ELOB: variants seen among roughly 807,000 people sequenced by gnomAD.
ELOB encodes elongin-B.
Under a neutral mutation model 12.9 loss-of-function variants are expected in ELOB, and 3 were observed. That is an observed-to-expected ratio of 0.23 (90% CI 0.11 to 0.60). The LOEUF (loss-of-function observed/expected upper bound fraction) is 0.60. Among genes scored for constraint, ELOB ranks in the 20% least tolerant of loss-of-function variants. The pLI is 0.89. For missense variants in ELOB, 126 were observed against 159.2 expected (o/e 0.79, Z 1.12); for synonymous variants, 84 against 67.4 (o/e 1.25, Z -1.21).
At chr16:2,774,518 C>T (rs542888500) in intron 3 of ELOB, among the ~76,000 whole-genome samples, 1 of 152,370 alleles carries the variant, frequency 6.6e-6, no homozygotes, top group African/African-American at 2.4e-5. Context: ...GCTGCTGAGA[C>T]TGAGGCCTAG....
In ELOB at chr16:2,775,565, A is replaced by G. The variant is rs1316451855; in HGVS notation, c.139-9T>C. The G allele has an allele frequency of 6.2e-7, 1 of 1,604,404 alleles. No individual in the cohort carries two copies. The highest frequency in any genetic ancestry group is 8.5e-7 in the Non-Finnish European group (1 of 1,178,236). On this transcript the variant is annotated splice_polypyrimidine_tract_variant and intron_variant, in intron 2 of 3. Transcript: ENST00000409906. Reference sequence around the variant, plus strand: ...TCCAAGAGTTGGTCATCCTGAGGAGAGAAGCAGGATCTTGGGAGAGGCCCT... The same window carrying G: ...TCCAAGAGTTGGTCATCCTGAGGAGGGAAGCAGGATCTTGGGAGAGGCCCT...
Position 2,772,001 on chromosome 16 carries a change from C to G in ELOB, c.346G>C (p.Ala116Pro). The change falls in exon 4 of 4, where the codon GCC becomes CCC. Residue 116 changes from alanine to proline, a missense_variant. Physicochemically the swap from Ala to Pro is conservative, Grantham distance 27. Transcript: ENST00000409906. ...QDSGSSANEQAVQ is the reference protein window; with the variant it reads ...QDSGSSANEQPVQ ...CCTCTTGGGGGTCCTCACTGCACGGCTTGTTCATTGGCACTGCTTCCCGAG... is the reference window on the plus strand; with the variant it reads ...CCTCTTGGGGGTCCTCACTGCACGGGTTGTTCATTGGCACTGCTTCCCGAG... 1 of 1,612,364 alleles carries G rather than the reference C, an allele frequency of 6.2e-7. No homozygotes were observed. Among genetic ancestry groups the G allele is most frequent in the South Asian group, 1.1e-5 (1 of 90,936 alleles).
In ELOB at chr16:2,777,279, G is replaced by A. The variant is rs2068808218; in HGVS notation, c.-40C>T. 9.9e-7 allele frequency: 1 copy of A among 1,012,648 alleles called. No individual in the cohort carries two copies. The allele number at this position is 1,012,648 out of a possible 1,614,324, so 62.7% of individuals were successfully genotyped here. On this transcript the variant is annotated 5_prime_UTR_variant, in exon 1 of 4. Coordinates refer to ENST00000409906, the MANE Select transcript of ELOB (RefSeq NM_007108.4). ...CTCCCCTCGACGCGCCGGCGCAGCC[G>A]CGCTCCGCCCCGTTCCCGGCAGCCC...
intron 3 of ELOB, among the ~76,000 whole-genome samples, chr16:2,775,247 T>C (rs1204554434): frequency 1.3e-5 from 2 of 151,908 alleles, no homozygotes; most frequent in East Asian, 3.9e-4. Context: ...TTGGTTTCTG[T>C]AAGCATCTCA....
At position 2,771,432 on chromosome 16, in the gene ELOB, A is replaced by AAG. The variant is rs2068744508; in HGVS notation, c.*557_*558insCT. ...CAGGAACTGGGTCTGTAGACTGTTT[A>AAG]TTAAAGGTGTGTTAAGGGGGCAGCC... On this transcript the variant is annotated 3_prime_UTR_variant, in exon 4 of 4. Transcript: ENST00000409906. 1 of 1,613,836 alleles carries AAG rather than the reference A, an allele frequency of 6.2e-7. No homozygotes were observed. Among genetic ancestry groups the AAG allele is most frequent in the African/African-American group, 1.3e-5 (1 of 74,926 alleles).
In ELOB at chr16:2,777,116, G is replaced by A. The variant is rs559371069; in HGVS notation, c.15C>T (p.Leu5=). 36 of 1,582,144 alleles carry A rather than the reference G, an allele frequency of 2.3e-5. No homozygotes were observed. Among genetic ancestry groups the A allele is most frequent in the Admixed American group, 5.2e-5 (3 of 58,224 alleles). ...TGGTGGTCTTGTGGCGCCGGATCAT[G>A]AGGAACACGTCCTGGGGGCGGCGGG... MDVF[L]MIRRHKTTIF... is the part of the protein sequence containing the mutation. Residue 5 remains leucine, a synonymous_variant, in exon 2 of 4, where the codon CTC becomes CTT. Coordinates refer to ENST00000409906, the MANE Select transcript of ELOB (RefSeq NM_007108.4).
At position 2,771,645 on chromosome 16, in the gene ELOB, AC is replaced by A; in HGVS notation, c.*344del. 6.2e-7 allele frequency: 1 copy of A among 1,612,740 alleles called. No individual in the cohort carries two copies. The highest frequency in any genetic ancestry group is 1.1e-5 in the South Asian group (1 of 90,996). On this transcript the variant is annotated 3_prime_UTR_variant, in exon 4 of 4. Coordinates refer to ENST00000409906, the MANE Select transcript of ELOB (RefSeq NM_007108.4). ...GCACTTAGAAGGAGAAAGGCCTAAA[AC>A]TGGAATCTCTTGTCCCTGAGGCTGG...
At chr16:2,773,822 C>G (rs2068783476) in intron 3 of ELOB, among the ~76,000 whole-genome samples, 1 of 152,222 alleles carries the variant, frequency 6.6e-6, no homozygotes, top group African/African-American at 2.4e-5. Context: ...CAGCAAACCT[C>G]TAGGGGTACC....
chr16:2,777,210 G>A (rs2068807311), intron 1 of ELOB, 27 bp downstream of exon 1: 4 of 748,312 alleles, frequency 5.3e-6, no homozygotes, highest in Non-Finnish European at 4.8e-6. Flanking sequence ...GGCCCGGCCC[G>A]GCCGCCCCTC....
chr16:2,773,624 G>A (rs768662817), intron 3 of ELOB, among the ~76,000 whole-genome samples: 2 of 152,192 alleles, frequency 1.3e-5, no homozygotes, highest in Admixed American at 6.5e-5. Flanking sequence ...GGGAAGCAAA[G>A]AGCTGACAGC....
chr16:2,773,569 T>C (rs3112686), intron 3 of ELOB, among the ~76,000 whole-genome samples: 121,030 of 152,066 alleles, frequency 0.8, 48,684 homozygotes, highest in Admixed American at 0.85. Context: ...AACATGATGA[T>C]GGGTTGAGCT....
At chr16:2,774,854 T>C (rs902324028) in intron 3 of ELOB, among the ~76,000 whole-genome samples, 3 of 152,192 alleles carry the variant, frequency 2.0e-5, no homozygotes, top group Admixed American at 2.0e-4. Flanking sequence ...GCCCAGGCTC[T>C]GGATCTGAAT....
Position 2,771,918 on chromosome 16 carries a change from G to T in ELOB, c.*72C>A. On this transcript the variant is annotated 3_prime_UTR_variant, in exon 4 of 4. Coordinates refer to ENST00000409906, the MANE Select transcript of ELOB (RefSeq NM_007108.4). ...AGTGGGACCCATCCCAGGGAGGGGC[G>T]GGAAAAAGAGGCAGCAACCAGGCAG... 1 of 1,540,880 alleles carries T rather than the reference G, an allele frequency of 6.5e-7. No homozygotes were observed. Among genetic ancestry groups the T allele is most frequent in the Non-Finnish European group, 8.8e-7 (1 of 1,142,772 alleles).
At chr16:2,777,154 C>G in intron 1 of ELOB, 27 bp from the exon 2 acceptor site, 7 of 1,400,724 alleles carry the variant, frequency 5.0e-6, no homozygotes, top group Non-Finnish European at 6.6e-6. Context: ...GGCGTGAGCA[C>G]GAAGCCCGGG....
chr16:2,773,389 T>G (rs1300085804), intron 3 of ELOB, among the ~76,000 whole-genome samples: 2 of 152,130 alleles, frequency 1.3e-5, no homozygotes, highest in East Asian at 3.9e-4. Context: ...TAATCCATCT[T>G]CCAAGCCACA....
At position 2,775,403 on chromosome 16, in the gene ELOB, C is replaced by G. The variant is rs540883001; in HGVS notation, c.244+48G>C. ...GATGACCTTCTTTGGAACAGTGTTCCCAACCTGCTTGGCTACCACCCAGCC... is the reference window on the plus strand; with the variant it reads ...GATGACCTTCTTTGGAACAGTGTTCGCAACCTGCTTGGCTACCACCCAGCC... On this transcript the variant is annotated intron_variant, in intron 3 of 3. Transcript: ENST00000409906. 5 of 1,434,124 alleles carry G rather than the reference C, an allele frequency of 3.5e-6. No individual in the cohort carries two copies. In the South Asian group the frequency reaches 6.2e-5, roughly 18 times the overall value. The allele number at this position is 1,434,124 out of a possible 1,614,324, so 88.8% of individuals were successfully genotyped here. A position where few individuals can be genotyped will look rare whatever the true frequency, so the allele number is the denominator to read the frequency against.
rs894459866 is a variant in ELOB, at chr16:2,771,897, G to A, written c.*93C>T. 1.8e-5 allele frequency: 27 copies of A among 1,510,454 alleles called. No individual in the cohort carries two copies. The highest frequency in any genetic ancestry group is 2.1e-5 in the Non-Finnish European group (24 of 1,127,122). The allele number at this position is 1,510,454 out of a possible 1,614,324, so 93.6% of individuals were successfully genotyped here. A position where few individuals can be genotyped will look rare whatever the true frequency, so the allele number is the denominator to read the frequency against. On this transcript the variant is annotated 3_prime_UTR_variant, in exon 4 of 4. Transcript: ENST00000409906. ...CCCCAAAAGGAGCCCACAGGGAGTGGGACCCATCCCAGGGAGGGGCGGGAA... is the reference window on the plus strand; with the variant it reads ...CCCCAAAAGGAGCCCACAGGGAGTGAGACCCATCCCAGGGAGGGGCGGGAA...
chr16:2,775,676 G>C (rs566408409), intron 2 of ELOB, 120 bp from the exon 3 acceptor site: 2 of 656,856 alleles, frequency 3.0e-6, no homozygotes, highest in African/African-American at 1.8e-5. Flanking sequence ...GTGTGGCCCA[G>C]GACCACCACG....
At position 2,771,630 on chromosome 16, in the gene ELOB, G is replaced by GTCT; in HGVS notation, c.*359_*360insAGA. 6.2e-7 allele frequency: 1 copy of GTCT among 1,613,728 alleles called. No homozygotes were observed. The highest frequency in any genetic ancestry group is 8.5e-7 in the Non-Finnish European group (1 of 1,179,910). On this transcript the variant is annotated 3_prime_UTR_variant, in exon 4 of 4. Coordinates refer to ENST00000409906, the MANE Select transcript of ELOB (RefSeq NM_007108.4). ...CTATGGGGGTGGGGGGCACTTAGAA[G>GTCT]GAGAAAGGCCTAAAACTGGAATCTC...
Sources: allele counts gnomAD v4.1 joint callset (sites outside exome capture counted in the v4.1 genomes callset), GRCh38; gene constraint gnomAD v4.1.1; transcripts MANE v1.5; gene names NCBI Gene and HGNC (gene_info 2026-07-23, HGNC 2026-07-21).